Variants in NYAP2 observed in about 807,000 individuals in gnomAD.
The protein encoded by NYAP2 is neuronal tyrosine-phosphorylated phosphoinositide-3-kinase adapter 2.
In NYAP2, 23 loss-of-function variants were observed where a neutral mutation model predicts 50.4. The observed-to-expected ratio is 0.46, with a 90% CI of 0.33 to 0.65. The LOEUF is 0.65. NYAP2 is among the 30% of genes least tolerant of loss of function. NYAP2 has a pLI of 0.02. For synonymous variants in NYAP2, 394 were observed against 365.2 expected, an observed-to-expected ratio of 1.08 and a Z score of -0.90; for missense variants, 885 against 861.0, an observed-to-expected ratio of 1.03 and a Z score of -0.35.
chr2:225,409,221 A>G lies in NYAP2; in HGVS notation c.221+120A>G, dbSNP rs1351861706. ...CTTCCAGAGTCAGTTAGACTTGGTGAGAGCATATGAAAGCGACCCCTCAAC... is the reference window on the plus strand; with the variant it reads ...CTTCCAGAGTCAGTTAGACTTGGTGGGAGCATATGAAAGCGACCCCTCAAC... On this transcript the variant is annotated intron_variant, in intron 3 of 6. Coordinates refer to ENST00000636099, the Ensembl canonical transcript of NYAP2. The G allele has an allele frequency of 4.3e-6, 3 of 692,946 alleles. No homozygotes were observed. The African/African-American group carries it at 5.4e-5, about 13-fold the overall frequency. The allele number at this position is 692,946 out of a possible 1,614,324, so 42.9% of individuals were successfully genotyped here. A position where few individuals can be genotyped will look rare whatever the true frequency, so the allele number is the denominator to read the frequency against.
intron 4 of NYAP2, among the ~76,000 whole-genome samples, chr2:225,529,393 T>C (rs956456974): frequency 2.6e-5 from 4 of 151,766 alleles, no homozygotes; most frequent in East Asian, 1.9e-4. Context: ...GCATGATCTC[T>C]GCTCATCACT....
chr2:225,532,214 C>A lies in NYAP2; in HGVS notation c.523+18542C>A, dbSNP rs371930463. On this transcript the variant is annotated intron_variant, in intron 4 of 6. Coordinates refer to ENST00000636099, the Ensembl canonical transcript of NYAP2. ...CCTTTTTTTCCATTATGTAGGGATCCAGCTTTTGAGCAGTTCTTCACCCTA... is the reference window on the plus strand; with the variant it reads ...CCTTTTTTTCCATTATGTAGGGATCAAGCTTTTGAGCAGTTCTTCACCCTA... Among the ~76,000 whole-genome samples, 8 of 152,090 alleles carry A rather than the reference C, an allele frequency of 5.3e-5. No individual in the cohort carries two copies. In the South Asian group the frequency reaches 1.7e-3, roughly 32 times the overall value.
intron 3 of NYAP2, among the ~76,000 whole-genome samples, chr2:225,422,293 A>G (rs1217139621): frequency 6.6e-6 from 1 of 152,234 alleles, no homozygotes; most frequent in Non-Finnish European, 1.5e-5. Context: ...AATAAAGAAT[A>G]CATCCACTGA....
chr2:225,611,886 ATGTG>A (rs1186461726), intron 5 of NYAP2, among the ~76,000 whole-genome samples: 1 of 140,654 alleles, frequency 7.1e-6, no homozygotes, highest in Non-Finnish European at 1.5e-5. Context: ...ATGTATATAT[ATGTG>A]TGTGTGTGTA....
chr2:225,446,701 A>C (rs1193769177), intron 3 of NYAP2, among the ~76,000 whole-genome samples: 1 of 152,194 alleles, frequency 6.6e-6, no homozygotes, highest in Non-Finnish European at 1.5e-5. Flanking sequence ...TATTGAAAAC[A>C]GTGTAACTTC....
intron 4 of NYAP2, among the ~76,000 whole-genome samples, chr2:225,558,268 A>G (rs1460661415): frequency 6.6e-6 from 1 of 152,202 alleles, no homozygotes; most frequent in East Asian, 1.9e-4. Flanking sequence ...GCTGAAAACA[A>G]TACTTGTATT....
chr2:225,674,836 A>G, the NYAP2 span, among the ~76,000 whole-genome samples: 180 of 152,272 alleles, frequency 1.2e-3, no homozygotes, highest in Non-Finnish European at 2.3e-3. Flanking sequence ...TGCCAAAGGC[A>G]TGAGGTCATC....
intron 3 of NYAP2, among the ~76,000 whole-genome samples, chr2:225,485,766 A>G (rs1465331407): frequency 1.3e-5 from 2 of 152,234 alleles, no homozygotes; most frequent in African/African-American, 2.4e-5. Flanking sequence ...TGACTTGGGC[A>G]AAAGAGGAGA....
intron 4 of NYAP2, among the ~76,000 whole-genome samples, chr2:225,522,759 A>G (rs565738658): frequency 6.6e-6 from 1 of 152,282 alleles, no homozygotes; most frequent in African/African-American, 2.4e-5. Flanking sequence ...TACTCTATCC[A>G]GGTCATAGAG....
intron 4 of NYAP2, among the ~76,000 whole-genome samples, chr2:225,548,258 A>G (rs1438166624): frequency 1.3e-5 from 2 of 150,708 alleles, no homozygotes; most frequent in Non-Finnish European, 2.9e-5. Context: ...CATTTTATTC[A>G]TACTTTTAAA....
chr2:225,477,939 T>C (rs1310570511), intron 3 of NYAP2, among the ~76,000 whole-genome samples: 1 of 152,156 alleles, frequency 6.6e-6, no homozygotes, highest in African/African-American at 2.4e-5. Context: ...ACTGCCTTTA[T>C]CAATCCTTGT....
At chr2:225,620,627 G>A (rs1693082916) in intron 5 of NYAP2, among the ~76,000 whole-genome samples, 1 of 152,194 alleles carries the variant, frequency 6.6e-6, no homozygotes, top group African/African-American at 2.4e-5. Context: ...TACAGGCACA[G>A]GTCTGAGTAG....
intron 3 of NYAP2, among the ~76,000 whole-genome samples, chr2:225,434,045 A>C (rs1689328493): frequency 6.6e-6 from 1 of 152,168 alleles, no homozygotes; most frequent in African/African-American, 2.4e-5. Context: ...AGTTTCTTCT[A>C]TTCAGTAGTA....
intron 6 of NYAP2, among the ~76,000 whole-genome samples, chr2:225,629,512 T>A (rs1693273092): frequency 6.6e-6 from 1 of 152,210 alleles, no homozygotes; most frequent in South Asian, 2.1e-4. Flanking sequence ...ACAGAAGATG[T>A]CTTAATCCAT....
chr2:225,645,254 A>T (rs1693610549), intron 6 of NYAP2, among the ~76,000 whole-genome samples: 1 of 150,224 alleles, frequency 6.7e-6, no homozygotes, highest in Non-Finnish European at 1.5e-5. Context: ...AAAAAAAAAA[A>T]GAAGAAGAAA....
intron 4 of NYAP2, among the ~76,000 whole-genome samples, chr2:225,571,430 A>G (rs561928861): frequency 6.6e-6 from 1 of 152,332 alleles, no homozygotes; most frequent in African/African-American, 2.4e-5. Context: ...AAGCATTTCC[A>G]TACATCCTTG....
intron 3 of NYAP2, among the ~76,000 whole-genome samples, chr2:225,445,771 A>G (rs1461240833): frequency 6.6e-6 from 1 of 152,196 alleles, no homozygotes; most frequent in Non-Finnish European, 1.5e-5. Context: ...TGTCCTATAA[A>G]ATATTACAAA....
At chr2:225,682,728 A>T in the NYAP2 span, among the ~76,000 whole-genome samples, 1 of 152,200 alleles carries the variant, frequency 6.6e-6, no homozygotes, top group South Asian at 2.1e-4. Context: ...CATCTTTGGA[A>T]TGAGACCTAG....
At chr2:225,428,573 G>C (rs1695319655) in intron 3 of NYAP2, among the ~76,000 whole-genome samples, 1 of 152,178 alleles carries the variant, frequency 6.6e-6, no homozygotes, top group Non-Finnish European at 1.5e-5. Context: ...TATTTACAAA[G>C]ACAGGTGACA....
Sources: gnomAD v4.1 joint callset for allele counts (sites outside exome capture counted in the v4.1 genomes callset) on GRCh38, gnomAD v4.1.1 for gene constraint, MANE v1.5 for transcripts, NCBI Gene and HGNC (gene_info 2026-07-23, HGNC 2026-07-21) for gene names.